MAGI2: variants seen among roughly 807,000 people sequenced by gnomAD.
MAGI2 encodes the protein membrane associated guanylate kinase, WW and PDZ domain containing 2.
A neutral mutation model predicts 133.3 loss-of-function variants in MAGI2; 35 were observed. The observed-to-expected ratio is 0.26, with a 90% CI of 0.20 to 0.35. The LOEUF is 0.35. Ranked by LOEUF, MAGI2 falls within the 10% of genes least tolerant of loss-of-function variation. The pLI is 1.00. For missense variants in MAGI2, 1,636 were observed against 1,863.4 expected (o/e 0.88, Z 2.25); for synonymous variants, 729 against 710.6 (o/e 1.03, Z -0.41).
intron 1 of MAGI2, among the ~76,000 whole-genome samples, chr7:79,313,939 A>G (rs755949268): frequency 6.6e-6 from 1 of 151,764 alleles, no homozygotes; most frequent in Non-Finnish European, 1.5e-5. Flanking sequence ...AGTAGCTGAG[A>G]CTACAGGAAC....
chr7:78,163,421 G>A (rs758810945), intron 15 of MAGI2, among the ~76,000 whole-genome samples: 4 of 152,094 alleles, frequency 2.6e-5, no homozygotes, highest in Non-Finnish European at 5.9e-5. Flanking sequence ...TTACAGGCGT[G>A]AGCCACCGTG....
At chr7:78,207,153 T>TC (rs1190651449) in intron 10 of MAGI2, among the ~76,000 whole-genome samples, 3 of 152,214 alleles carry the variant, frequency 2.0e-5, no homozygotes, top group Admixed American at 6.5e-5. Flanking sequence ...AGTTTTTTTT[T>TC]CACAGTCCCT....
chr7:78,804,685 C>T (rs1338126163), intron 2 of MAGI2, among the ~76,000 whole-genome samples: 2 of 145,418 alleles, frequency 1.4e-5, no homozygotes, highest in Non-Finnish European at 3.0e-5. Flanking sequence ...GGAGGCGGAG[C>T]TTGCAGTGAG....
At chr7:78,889,208 T>A (rs1163337605) in intron 2 of MAGI2, among the ~76,000 whole-genome samples, 1 of 152,142 alleles carries the variant, frequency 6.6e-6, no homozygotes, top group Admixed American at 6.6e-5. Flanking sequence ...GAACAAAGCC[T>A]CCAAGAAATA....
At chr7:78,196,188 C>T (rs746859821) in intron 11 of MAGI2, among the ~76,000 whole-genome samples, 2 of 152,136 alleles carry the variant, frequency 1.3e-5, no homozygotes, top group Non-Finnish European at 2.9e-5. Flanking sequence ...TCCCCTCTCT[C>T]ATTTCACCTA....
chr7:78,315,759 G>A (rs1168945203), intron 9 of MAGI2, among the ~76,000 whole-genome samples: 5 of 151,944 alleles, frequency 3.3e-5, no homozygotes, highest in Admixed American at 6.6e-5. Flanking sequence ...TTTCAACCTC[G>A]TTTGTCTCTA....
At chr7:78,486,407 C>A (rs930175314) in intron 6 of MAGI2, 1 of 154,592 alleles carries the variant, frequency 6.5e-6, no homozygotes, top group Non-Finnish European at 1.4e-5. Flanking sequence ...ATTCAGCCCG[C>A]CCCAATTTTT....
intron 2 of MAGI2, among the ~76,000 whole-genome samples, chr7:78,983,250 A>G (rs186678991): frequency 5.2e-4 from 79 of 152,096 alleles, no homozygotes; most frequent in African/African-American, 1.6e-3. Context: ...GTTCAGTACA[A>G]AAGGAAAAGT....
At chr7:79,111,626 T>C (rs1818929480) in intron 1 of MAGI2, among the ~76,000 whole-genome samples, 1 of 152,154 alleles carries the variant, frequency 6.6e-6, no homozygotes, top group Non-Finnish European at 1.5e-5. Flanking sequence ...GATAGTAACT[T>C]TCCCAAGGGT....
intron 2 of MAGI2, among the ~76,000 whole-genome samples, chr7:78,696,032 C>A (rs1817481142): frequency 6.6e-6 from 1 of 152,096 alleles, no homozygotes; most frequent in South Asian, 2.1e-4. Context: ...AGCTCCTGGG[C>A]TCAAGTGATT....
intron 9 of MAGI2, among the ~76,000 whole-genome samples, chr7:78,283,506 T>A (rs934276808): frequency 2.0e-5 from 3 of 152,174 alleles, no homozygotes; most frequent in African/African-American, 7.2e-5. Flanking sequence ...CCTAATAAAT[T>A]ACGAAGTGCT....
At chr7:78,173,173 T>C (rs1387627397) in intron 14 of MAGI2, among the ~76,000 whole-genome samples, 1 of 152,172 alleles carries the variant, frequency 6.6e-6, no homozygotes, top group East Asian at 1.9e-4. Context: ...AAAGCCAATA[T>C]TCAGAAGTGA....
rs11767536 is a variant in MAGI2, at chr7:78,444,882, T to C, written c.1045+44879A>G. ...AAAAATATATAAATTTATATTTATA[T>C]GTATACATATGTGTGTATATATACA... On this transcript the variant is annotated intron_variant, in intron 6 of 21. Coordinates refer to ENST00000354212, the MANE Select transcript of MAGI2 (RefSeq NM_012301.4). 1.8e-4 allele frequency among the ~76,000 whole-genome samples: 26 copies of C among 146,646 alleles called. No individual in the cohort carries two copies. In the South Asian group the frequency reaches 5.5e-3, roughly 31 times the overall value.
chr7:78,430,315 G>A (rs1378088664), intron 6 of MAGI2, among the ~76,000 whole-genome samples: 4 of 132,490 alleles, frequency 3.0e-5, no homozygotes, highest in African/African-American at 1.2e-4. Flanking sequence ...GGAATTAAAA[G>A]CCTGCATGTA....
At chr7:78,700,820 CT>C (rs1196413914) in intron 2 of MAGI2, among the ~76,000 whole-genome samples, 13 of 151,734 alleles carry the variant, frequency 8.6e-5, no homozygotes, top group Non-Finnish European at 1.9e-4. Flanking sequence ...TCTCTGACAC[CT>C]TTGTATAGAT....
chr7:78,694,754 C>T (rs540165576), intron 2 of MAGI2, among the ~76,000 whole-genome samples: 4 of 152,230 alleles, frequency 2.6e-5, no homozygotes, highest in South Asian at 4.1e-4. Flanking sequence ...AGGCCAATAC[C>T]GCTTTCTCCG....
chr7:78,199,260 T>C (rs1411075490), intron 11 of MAGI2, among the ~76,000 whole-genome samples: 1 of 152,380 alleles, frequency 6.6e-6, no homozygotes, highest in East Asian at 1.9e-4. Context: ...TAAACCTACA[T>C]ACTGTGGGTA....
At chr7:79,189,098 T>G (rs191096314) in intron 1 of MAGI2, among the ~76,000 whole-genome samples, 103 of 151,956 alleles carry the variant, frequency 6.8e-4, no homozygotes, top group Non-Finnish European at 1.1e-3. Context: ...TTTACTAATT[T>G]ATCTATCTCC....
chr7:78,953,870 C>G (rs1175943910), intron 2 of MAGI2, among the ~76,000 whole-genome samples: 1 of 152,084 alleles, frequency 6.6e-6, no homozygotes, highest in Non-Finnish European at 1.5e-5. Context: ...CATCCTCCTC[C>G]TTAAACACAA....
Sources: gnomAD v4.1 joint callset for allele counts (sites outside exome capture counted in the v4.1 genomes callset) on GRCh38, gnomAD v4.1.1 for gene constraint, MANE v1.5 for transcripts, NCBI Gene and HGNC (gene_info 2026-07-23, HGNC 2026-07-21) for gene names.